The following NCALD variants were observed in gnomAD, a reference collection of about 807,000 sequenced individuals.
The protein encoded by NCALD is neurocalcin-delta.
A neutral mutation model predicts 18.6 loss-of-function variants in NCALD; 10 were observed. The ratio of observed to expected loss-of-function variants is 0.54; its 90% CI spans 0.33 to 0.91. NCALD has a LOEUF of 0.91. Ranked by LOEUF, NCALD falls within the 40% of genes least tolerant of loss-of-function variation. The pLI, the probability that NCALD is intolerant of heterozygous loss-of-function variation, is 0.03. For synonymous variants in NCALD, 88 were observed against 87.4 expected (o/e 1.01, Z -0.04); for missense variants, 184 against 247.6 (o/e 0.74, Z 1.72).
intron 4 of NCALD, among the ~76,000 whole-genome samples, chr8:101,840,237 G>C (rs1248226315): frequency 6.6e-6 from 1 of 152,120 alleles, no homozygotes; most frequent in Non-Finnish European, 1.5e-5. Context: ...TCTAGACACT[G>C]GCTGATTGAA....
At chr8:102,086,593 A>G (rs920455824) in intron 1 of NCALD, among the ~76,000 whole-genome samples, 1 of 152,106 alleles carries the variant, frequency 6.6e-6, no homozygotes, top group African/African-American at 2.4e-5. Context: ...GTCTGCCACT[A>G]TTCAGTCCAG....
At chr8:101,750,493 T>C (rs1303035259) in intron 1 of NCALD, 1 of 152,232 alleles carries the variant, frequency 6.6e-6, no homozygotes, top group South Asian at 2.1e-4. Flanking sequence ...GAAGGGCGAC[T>C]GGCAGAGCAG....
At chr8:101,731,603 C>T (rs548959023) in intron 1 of NCALD, among the ~76,000 whole-genome samples, 3 of 152,258 alleles carry the variant, frequency 2.0e-5, no homozygotes, top group Non-Finnish European at 4.4e-5. Flanking sequence ...GGAGGGCACA[C>T]CCACCCTGCT....
At chr8:101,900,573 C>T (rs886191344) in intron 3 of NCALD, among the ~76,000 whole-genome samples, 3 of 151,832 alleles carry the variant, frequency 2.0e-5, no homozygotes, top group Non-Finnish European at 4.4e-5. Flanking sequence ...TTCACTTTAA[C>T]GTATTTTTTT....
At chr8:101,936,451 A>G (rs948116709) in intron 2 of NCALD, among the ~76,000 whole-genome samples, 1 of 152,174 alleles carries the variant, frequency 6.6e-6, no homozygotes. Flanking sequence ...AAGTCAATGG[A>G]TCAGAGGTCC....
chr8:102,010,924 T>C (rs545094246), intron 2 of NCALD, among the ~76,000 whole-genome samples: 1 of 152,336 alleles, frequency 6.6e-6, no homozygotes, highest in African/African-American at 2.4e-5. Flanking sequence ...ACAAGAAAGT[T>C]GATAATTTCA....
At chr8:102,040,910 C>T (rs112504305) in intron 1 of NCALD, among the ~76,000 whole-genome samples, 8 of 152,198 alleles carry the variant, frequency 5.3e-5, no homozygotes, top group African/African-American at 9.6e-5. Flanking sequence ...GTCTGATGGG[C>T]GAGTTTTGGT....
At chr8:102,016,985 G>T (rs1190643236) in intron 2 of NCALD, among the ~76,000 whole-genome samples, 1 of 152,110 alleles carries the variant, frequency 6.6e-6, no homozygotes, top group East Asian at 1.9e-4. Context: ...TGCAAGAAAA[G>T]ATAAAGGATC....
chr8:101,891,506 G>C (rs1312618076), intron 3 of NCALD, among the ~76,000 whole-genome samples: 1 of 152,348 alleles, frequency 6.6e-6, no homozygotes, highest in East Asian at 1.9e-4. Context: ...TTGCAGGGGA[G>C]GAGCCAAGAT....
intron 2 of NCALD, among the ~76,000 whole-genome samples, chr8:101,957,152 G>A (rs992315875): frequency 6.6e-6 from 1 of 151,648 alleles, no homozygotes; most frequent in Non-Finnish European, 1.5e-5. Context: ...TAAACAAAAA[G>A]GGAAAAACTT....
intron 2 of NCALD, among the ~76,000 whole-genome samples, chr8:101,988,902 GAAAA>G (rs35196499): frequency 3.0e-5 from 2 of 66,102 alleles, no homozygotes; most frequent in Non-Finnish European, 5.6e-5. Flanking sequence ...GGTGCCAGCA[GAAAA>G]AAAAAAAAAA....
intron 1 of NCALD, among the ~76,000 whole-genome samples, chr8:102,088,111 T>G (rs1824801602): frequency 6.6e-6 from 1 of 152,330 alleles, no homozygotes; most frequent in East Asian, 1.9e-4. Context: ...GAACATGGGC[T>G]TAGAACCCCA....
chr8:102,071,649 G>A (rs1275636911), intron 1 of NCALD, among the ~76,000 whole-genome samples: 1 of 152,126 alleles, frequency 6.6e-6, no homozygotes, highest in Non-Finnish European at 1.5e-5. Flanking sequence ...GAAGTAAGGA[G>A]AGAAACAAAA....
At chr8:101,851,011 G>T (rs554036) in intron 4 of NCALD, among the ~76,000 whole-genome samples, 57,428 of 151,836 alleles carry the variant, frequency 0.38, 14,235 homozygotes, top group African/African-American at 0.7. Flanking sequence ...TTTTTGTTTT[G>T]GTTTTTGTTT....
chr8:101,756,800 T>G (rs1358906302), intron 1 of NCALD, among the ~76,000 whole-genome samples: 1 of 152,228 alleles, frequency 6.6e-6, no homozygotes, highest in Non-Finnish European at 1.5e-5. Context: ...ATACATTGTA[T>G]GTCTTGTTTT....
chr8:102,095,548 G>C (rs1825064264), intron 1 of NCALD, among the ~76,000 whole-genome samples: 1 of 152,180 alleles, frequency 6.6e-6, no homozygotes, highest in African/African-American at 2.4e-5. Flanking sequence ...CAATGCCAAG[G>C]ACATTGTTAG....
intron 4 of NCALD, among the ~76,000 whole-genome samples, chr8:101,798,711 A>T (rs1481944329): frequency 1.3e-5 from 2 of 152,262 alleles, no homozygotes; most frequent in Non-Finnish European, 2.9e-5. Flanking sequence ...TAACTTTGAA[A>T]AAAAGGAATA....
chr8:101,694,888 T>G (rs1018819637), intron 2 of NCALD, among the ~76,000 whole-genome samples: 5 of 152,120 alleles, frequency 3.3e-5, no homozygotes, highest in African/African-American at 1.2e-4. Flanking sequence ...CCCTGAGATT[T>G]AACACGCCCA....
intron 3 of NCALD, among the ~76,000 whole-genome samples, chr8:101,891,223 T>G (rs900691809): frequency 6.6e-6 from 1 of 152,166 alleles, no homozygotes; most frequent in Admixed American, 6.5e-5. Context: ...AAGTGTTCCA[T>G]CACCACACAG....
Sources: allele counts gnomAD v4.1 joint callset (sites outside exome capture counted in the v4.1 genomes callset), GRCh38; gene constraint gnomAD v4.1.1; transcripts MANE v1.5; gene names NCBI Gene and HGNC (gene_info 2026-07-23, HGNC 2026-07-21).